The following BANP variants were observed in gnomAD, a reference collection of about 807,000 sequenced individuals.
BANP encodes the protein protein BANP.
In BANP, 11 loss-of-function variants were observed where a neutral mutation model predicts 68.1. The observed-to-expected ratio is 0.16, with a 90% CI of 0.10 to 0.27. BANP has a LOEUF of 0.27. BANP is among the 10% of genes least tolerant of loss of function. The probability of loss-of-function intolerance (pLI) is 1.00; values close to 1 mark genes in which losing one functional copy is unlikely to be tolerated. For synonymous variants in BANP, 329 were observed against 303.2 expected (o/e 1.09, Z -0.88); for missense variants, 504 against 722.7 (o/e 0.70, Z 3.47).
intron 1 of BANP, among the ~76,000 whole-genome samples, chr16:87,951,770 G>A (rs1253343077): frequency 6.6e-6 from 1 of 151,742 alleles, no homozygotes; most frequent in African/African-American, 2.4e-5. Context: ...CGTCCGTTGA[G>A]CCGCGGCTGC....
At chr16:87,952,810 G>A (rs147333504) in intron 1 of BANP, 1 of 152,008 alleles carries the variant, frequency 6.6e-6, no homozygotes, top group African/African-American at 2.4e-5. Flanking sequence ...GGTTTCACTC[G>A]GTCCCCGAGA....
chr16:88,029,332 G>T (rs776345236), intron 8 of BANP, among the ~76,000 whole-genome samples: 1 of 147,926 alleles, frequency 6.8e-6, no homozygotes, highest in Admixed American at 6.7e-5. Context: ...AAAAAAAGCC[G>T]GGTGCTGTGG....
intron 12 of BANP, among the ~76,000 whole-genome samples, chr16:88,065,609 A>G (rs1248585300): frequency 6.6e-6 from 1 of 152,078 alleles, no homozygotes; most frequent in Admixed American, 6.5e-5. Context: ...GTGCTTTCTG[A>G]AGACACAACA....
intron 2 of BANP, among the ~76,000 whole-genome samples, chr16:87,979,605 T>A (rs1388570048): frequency 1.3e-5 from 2 of 152,222 alleles, no homozygotes; most frequent in Admixed American, 6.5e-5. Context: ...GAGGTCATCC[T>A]GCTTGGCTGT....
At chr16:88,041,431 T>C (rs534623186) in intron 11 of BANP, among the ~76,000 whole-genome samples, 3 of 152,326 alleles carry the variant, frequency 2.0e-5, no homozygotes, top group African/African-American at 7.2e-5. Flanking sequence ...TCATGTTTTC[T>C]TCAAATTAAA....
In BANP at chr16:88,036,783, G is replaced by C. The variant is rs1432727597; in HGVS notation, c.1273-1190G>C. Among the ~76,000 whole-genome samples, 2 of 152,162 alleles carry C rather than the reference G, an allele frequency of 1.3e-5. No individual in the cohort carries two copies. The highest frequency in any genetic ancestry group is 3.8e-4 in the East Asian group (2 of 5,198). ...GCAGGGCGGGGAGCAGGTAGGGGAC[G>C]GTCCCAGGAGGCCAGAGTGTCCAGG... On this transcript the variant is annotated intron_variant, in intron 10 of 13. Coordinates refer to ENST00000682872, the MANE Select transcript of BANP (RefSeq NM_001386991.1). This position sits in a 1 kb window ranked among gnomAD's most constrained non-coding sequence, Gnocchi z 4.2.
At position 88,072,053 on chromosome 16, in the gene BANP, G is replaced by A. The variant is rs113141769; in HGVS notation, c.1378-16G>A. On this transcript the variant is annotated splice_polypyrimidine_tract_variant and intron_variant, in intron 12 of 13. Transcript: ENST00000682872. Reference sequence around the variant, plus strand: ...TGGGCCACGCCGCTGACGGGCCCCCGTGTGTCTCCCTCCAGGTGCTGCAGG... The same window carrying A: ...TGGGCCACGCCGCTGACGGGCCCCCATGTGTCTCCCTCCAGGTGCTGCAGG... The A allele has an allele frequency of 1.4e-4, 218 of 1,559,198 alleles. 4 individuals carry two copies. The African/African-American group carries it at 1.5e-3, about 11-fold the overall frequency.
chr16:88,008,888 T>G (rs920422440), intron 6 of BANP, among the ~76,000 whole-genome samples: 1 of 152,246 alleles, frequency 6.6e-6, no homozygotes, highest in Non-Finnish European at 1.5e-5. Context: ...CCATTCTGTT[T>G]TCTCATCCCA....
chr16:88,033,103 CCA>C lies in BANP; in HGVS notation c.1064-3_1064-2del, dbSNP rs778682182. The C allele has an allele frequency of 1.3e-6, 2 of 1,597,002 alleles. No individual in the cohort carries two copies. Among genetic ancestry groups the C allele is most frequent in the African/African-American group, 2.7e-5 (2 of 74,768 alleles). On this transcript the variant is annotated splice_polypyrimidine_tract_variant and splice_region_variant and intron_variant, in intron 8 of 13. Coordinates refer to ENST00000682872, the MANE Select transcript of BANP (RefSeq NM_001386991.1). Reference sequence around the variant, plus strand: ...TTCACCCCGTTCACACCTGTTGCCCCCACAGAGCCGATGATGAGCACCCCACC... The same window carrying C: ...TTCACCCCGTTCACACCTGTTGCCCCCAGAGCCGATGATGAGCACCCCACC...
intron 12 of BANP, 56 bp from the exon 13 acceptor site, chr16:88,072,013 G>A (rs2090468696): frequency 5.2e-6 from 8 of 1,538,492 alleles, no homozygotes; most frequent in Non-Finnish European, 7.0e-6. Context: ...CATGTGGGTT[G>A]TGGGTTGTGG....
intron 6 of BANP, among the ~76,000 whole-genome samples, chr16:88,010,955 A>C (rs954493527): frequency 2.1e-4 from 19 of 89,226 alleles, no homozygotes; most frequent in African/African-American, 6.7e-4. Context: ...TGTTTTTAAC[A>C]TAAGTGCTGT....
At position 87,984,002 on chromosome 16, in the gene BANP, G is replaced by T. The variant is rs529710512; in HGVS notation, c.163-58G>T. On this transcript the variant is annotated intron_variant, in intron 3 of 13. Coordinates refer to ENST00000682872, the MANE Select transcript of BANP (RefSeq NM_001386991.1). The stretch of plus-strand genomic sequence containing the variant: ...GAAATAGCTGTTTGGTGTTTCTTGG[G>T]GTTGTCTTCTTACAGTTCAGGAGAC... 1.4e-3 allele frequency: 2,186 copies of T among 1,558,636 alleles called. 8 individuals carry two copies. The highest frequency in any genetic ancestry group is 1.5e-3 in the Non-Finnish European group (1,680 of 1,149,812).
At chr16:87,995,626 A>C (rs1204243973) in intron 4 of BANP, among the ~76,000 whole-genome samples, 1 of 152,246 alleles carries the variant, frequency 6.6e-6, no homozygotes, top group African/African-American at 2.4e-5. Context: ...ACCTGGCGGC[A>C]GAGTGTCACG....
rs774630779 is a variant in BANP, at chr16:88,072,224, G to A, written c.1521+12G>A. 1.2e-6 allele frequency: 2 copies of A among 1,602,718 alleles called. No individual in the cohort carries two copies. The highest frequency in any genetic ancestry group is 2.2e-5 in the East Asian group (1 of 44,718). On this transcript the variant is annotated intron_variant, in intron 13 of 13. Coordinates refer to ENST00000682872, the MANE Select transcript of BANP (RefSeq NM_001386991.1). ...CGGCCGGGGCACAGGTGAGTCTGGG[G>A]CCCCGCGCCGGGACACTGAAGTGAT...
At position 88,024,976 on chromosome 16, in the gene BANP, G is replaced by A. The variant is rs1277923922; in HGVS notation, c.896-2507G>A. On this transcript the variant is annotated intron_variant, in intron 7 of 13. Coordinates refer to ENST00000682872, the MANE Select transcript of BANP (RefSeq NM_001386991.1). ...TTATCTTCTTTCCTGTTACTAACCC[G>A]TTTTTAAATTTTGTATGGACTCATT... is the stretch of plus-strand genomic sequence containing the variant. Among the ~76,000 whole-genome samples, 17 of 152,294 alleles carry A rather than the reference G, an allele frequency of 1.1e-4. No individual in the cohort carries two copies. In the East Asian group the frequency reaches 1.3e-3, roughly 12 times the overall value.
intron 1 of BANP, among the ~76,000 whole-genome samples, chr16:87,971,444 G>T (rs2061107719): frequency 6.6e-6 from 1 of 152,050 alleles, no homozygotes; most frequent in Non-Finnish European, 1.5e-5. Context: ...ATTTTGTCTG[G>T]ATATAAAATT....
At chr16:88,006,859 G>A (rs1446990162) in intron 6 of BANP, among the ~76,000 whole-genome samples, 1 of 151,592 alleles carries the variant, frequency 6.6e-6, no homozygotes, top group African/African-American at 2.4e-5. Flanking sequence ...GGCTGAGGCG[G>A]GAGAATTGCT....
chr16:87,967,869 C>T (rs1205594836), intron 1 of BANP, among the ~76,000 whole-genome samples: 5 of 151,952 alleles, frequency 3.3e-5, no homozygotes, highest in African/African-American at 7.2e-5. Flanking sequence ...GATCTGCCCG[C>T]CTTGGCCCCC....
chr16:88,033,957 C>T (rs542392576), intron 9 of BANP, among the ~76,000 whole-genome samples: 49 of 152,282 alleles, frequency 3.2e-4, no homozygotes, highest in African/African-American at 1.2e-3. Flanking sequence ...TTTACATGCA[C>T]CACTAGACCT....
Sources: gnomAD v4.1 joint callset for allele counts (sites outside exome capture counted in the v4.1 genomes callset) on GRCh38, gnomAD v4.1.1 for gene constraint, Gnocchi (gnomAD v3.1) non-coding constraint, MANE v1.5 for transcripts, NCBI Gene and HGNC (gene_info 2026-07-23, HGNC 2026-07-21) for gene names.